The following PBX3 variants were observed in gnomAD, a reference collection of about 807,000 sequenced individuals.
PBX3 encodes pre-B-cell leukemia transcription factor 3.
PBX3 carries 14 observed loss-of-function variants against 48.5 expected under a neutral mutation model. The ratio of observed to expected loss-of-function variants is 0.29; its 90% CI spans 0.19 to 0.45. The LOEUF (loss-of-function observed/expected upper bound fraction) is 0.45, where lower values mean the gene tolerates loss of function less well. PBX3 is among the 20% of genes least tolerant of loss of function. PBX3 has a pLI of 1.00. For synonymous variants in PBX3, 210 were observed against 200.3 expected (o/e 1.05, Z -0.41); for missense variants, 386 against 546.7 (o/e 0.71, Z 2.93).
At chr9:125,965,417 G>T (rs1273303301) in intron 8 of PBX3, among the ~76,000 whole-genome samples, 1 of 152,218 alleles carries the variant, frequency 6.6e-6, no homozygotes, top group Non-Finnish European at 1.5e-5. Flanking sequence ...GTGGGCAACT[G>T]CTTCTCTATG....
rs536120675 is a variant in PBX3, at chr9:125,859,178, C to T, written c.275-56508C>T. 2.9e-3 allele frequency among the ~76,000 whole-genome samples: 437 copies of T among 152,316 alleles called. 3 individuals carry two copies. Among genetic ancestry groups the T allele is most frequent in the Non-Finnish European group, 3.9e-3 (265 of 68,024 alleles). The stretch of plus-strand genomic sequence containing the variant: ...AAGAGAAAATAGTTAGATTGCTTTT[C>T]ATCTTTCAGGTCTCAGCTTAAATGT... On this transcript the variant is annotated intron_variant, in intron 2 of 8. Transcript: ENST00000373489.
intron 2 of PBX3, among the ~76,000 whole-genome samples, chr9:125,771,629 C>A (rs539925849): frequency 6.6e-6 from 1 of 151,960 alleles, no homozygotes; most frequent in East Asian, 1.9e-4. Context: ...AAAATCATAT[C>A]TTTTTTCAGT....
At chr9:125,837,227 A>G (rs1324721732) in intron 2 of PBX3, among the ~76,000 whole-genome samples, 1 of 152,094 alleles carries the variant, frequency 6.6e-6, no homozygotes, top group African/African-American at 2.4e-5. Context: ...GCACTAATAC[A>G]GAACCAGTTT....
chr9:125,825,965 T>C (rs986392206), intron 2 of PBX3, among the ~76,000 whole-genome samples: 2 of 152,324 alleles, frequency 1.3e-5, no homozygotes, highest in South Asian at 4.1e-4. Context: ...TAATTTTGCA[T>C]TGGGAGATAC....
At chr9:125,901,542 C>G (rs2132424060) in intron 2 of PBX3, among the ~76,000 whole-genome samples, 1 of 151,686 alleles carries the variant, frequency 6.6e-6, no homozygotes, top group South Asian at 2.1e-4. Context: ...TAGTACTGTG[C>G]ATATAGTGGG....
chr9:125,878,437 G>A (rs1398606102), intron 2 of PBX3, among the ~76,000 whole-genome samples: 5 of 152,194 alleles, frequency 3.3e-5, no homozygotes, highest in South Asian at 2.1e-4. Flanking sequence ...TTAGGCCTCC[G>A]GCTGCCCAGC....
chr9:125,804,280 A>G (rs1225025815), intron 2 of PBX3, among the ~76,000 whole-genome samples: 1 of 152,214 alleles, frequency 6.6e-6, no homozygotes, highest in Non-Finnish European at 1.5e-5. Flanking sequence ...TTCATAAAGG[A>G]ATTTCAAAGT....
intron 2 of PBX3, among the ~76,000 whole-genome samples, chr9:125,900,669 G>A (rs1488756386): frequency 6.6e-6 from 1 of 151,642 alleles, no homozygotes. Context: ...AAGCAAATGA[G>A]TTTTGTCCTA....
At chr9:125,935,970 A>G (rs1170994321) in intron 5 of PBX3, among the ~76,000 whole-genome samples, 2 of 152,136 alleles carry the variant, frequency 1.3e-5, no homozygotes, top group African/African-American at 2.4e-5. Flanking sequence ...CCAGCAAGAA[A>G]CCAATTTATT....
intron 2 of PBX3, among the ~76,000 whole-genome samples, chr9:125,793,366 A>AAAAATATATATGTATATATAT (rs59271982): frequency 9.8e-6 from 1 of 101,976 alleles, no homozygotes; most frequent in African/African-American, 4.2e-5. Context: ...GGAAAAAAAA[A>AAAAATATATATGTATATATAT]ATATATATAT....
intron 2 of PBX3, among the ~76,000 whole-genome samples, chr9:125,761,240 T>C (rs566672548): frequency 9.2e-5 from 14 of 152,026 alleles, no homozygotes; most frequent in Admixed American, 2.0e-4. Flanking sequence ...ATCCTTTAGC[T>C]ACATTCTTTA....
intron 2 of PBX3, among the ~76,000 whole-genome samples, chr9:125,842,945 C>T (rs1013412738): frequency 6.6e-6 from 1 of 151,946 alleles, no homozygotes; most frequent in African/African-American, 2.4e-5. Flanking sequence ...AAATTAAGCT[C>T]TTTTATTTTT....
At chr9:125,950,565 C>T (rs937162066) in intron 5 of PBX3, among the ~76,000 whole-genome samples, 5 of 151,280 alleles carry the variant, frequency 3.3e-5, no homozygotes, top group Non-Finnish European at 2.9e-5. Context: ...CTGCAACCTC[C>T]ACCTCCCAGG....
At chr9:125,948,317 A>G (rs908520468) in intron 5 of PBX3, among the ~76,000 whole-genome samples, 1 of 152,238 alleles carries the variant, frequency 6.6e-6, no homozygotes, top group African/African-American at 2.4e-5. Context: ...CTTATAGAAC[A>G]ATTTGAAAGT....
chr9:125,880,005 G>C (rs1418982443), intron 2 of PBX3, among the ~76,000 whole-genome samples: 1 of 152,162 alleles, frequency 6.6e-6, no homozygotes. Flanking sequence ...CTATAAAAAT[G>C]TAAATAGTAA....
chr9:125,783,834 A>G (rs146010856), intron 2 of PBX3, among the ~76,000 whole-genome samples: 9 of 151,904 alleles, frequency 5.9e-5, no homozygotes, highest in African/African-American at 2.2e-4. Flanking sequence ...CCCCTTCTCT[A>G]ATAAAAATAC....
At position 125,960,817 on chromosome 9, in the gene PBX3, A is replaced by C. The variant is rs764276258; in HGVS notation, c.977A>C (p.Asn326Thr). 20 of 1,614,114 alleles carry C rather than the reference A, an allele frequency of 1.2e-5. No individual in the cohort carries two copies. In the South Asian group the frequency reaches 1.9e-4, roughly 15 times the overall value. ...GCAGTAGCAGCAGCTGTGCAGAACA[A>C]CCAGACCAATTCGCCCACCACACCA... The part of the protein sequence containing the change: ...AHAVAAAVQN[N>T]QTNSPTTPNS... The change falls in exon 6 of 9, where the codon AAC becomes ACC. Residue 326 changes from asparagine (N) to threonine (T), a missense_variant. Around this residue, in one of 4 missense-constraint regions of PBX3, gnomAD observed 127 missense variants for 143.3 expected, o/e 0.89. Transcript: ENST00000373489.
chr9:125,946,740 G>A (rs560306194), intron 5 of PBX3, among the ~76,000 whole-genome samples: 166 of 152,248 alleles, frequency 1.1e-3, no homozygotes, highest in South Asian at 2.5e-3. Context: ...CAGTAAGAAA[G>A]TCTAATATAA....
At chr9:125,928,514 G>A (rs1841638383) in intron 3 of PBX3, among the ~76,000 whole-genome samples, 2 of 149,990 alleles carry the variant, frequency 1.3e-5, no homozygotes, top group African/African-American at 2.5e-5. Flanking sequence ...TGCCCAGGCT[G>A]GAGTGCAGTG....
Sources: allele counts gnomAD v4.1 joint callset (sites outside exome capture counted in the v4.1 genomes callset), GRCh38; gene constraint gnomAD v4.1.1; regional missense constraint gnomAD v4.1.1; transcripts MANE v1.5; gene names NCBI Gene and HGNC (gene_info 2026-07-23, HGNC 2026-07-21).